The following HYCC2 variants were observed in gnomAD, a reference collection of about 807,000 sequenced individuals.
HYCC2 encodes hyccin PI4KA lipid kinase complex subunit 2, also known as hyccin 2.
chr2:201,053,511 A>C, the HYCC2 span, among the ~76,000 whole-genome samples: 21 of 152,338 alleles, frequency 1.4e-4, no homozygotes, highest in Middle Eastern at 3.4e-3. Flanking sequence ...CCTTCTTTCT[A>C]CTTTTAAAAT....
chr2:201,029,831 AT>A, the HYCC2 span, among the ~76,000 whole-genome samples: 1 of 152,198 alleles, frequency 6.6e-6, no homozygotes, highest in African/African-American at 2.4e-5. Flanking sequence ...CCTAATGTAA[AT>A]GACGAGTTAA....
chr2:201,024,468 G>A, the HYCC2 span, among the ~76,000 whole-genome samples: 450 of 151,780 alleles, frequency 3.0e-3, 3 homozygotes, highest in Non-Finnish European at 5.5e-3. Context: ...TGGCCTGGGC[G>A]ACAGAGCCAG....
the HYCC2 span, among the ~76,000 whole-genome samples, chr2:201,001,981 G>A: frequency 6.6e-6 from 1 of 151,732 alleles, no homozygotes; most frequent in South Asian, 2.1e-4. Flanking sequence ...TCCCTAAAGG[G>A]GTAAATTTTA....
At chr2:201,065,077 A>G in the HYCC2 span, among the ~76,000 whole-genome samples, 1 of 152,238 alleles carries the variant, frequency 6.6e-6, no homozygotes, top group African/African-American at 2.4e-5. Context: ...CAATCAAGAT[A>G]CAGAACTGTT....
the HYCC2 span, among the ~76,000 whole-genome samples, chr2:201,069,888 T>C: frequency 1.3e-5 from 2 of 152,182 alleles, no homozygotes; most frequent in Admixed American, 6.5e-5. Context: ...GGTTCATATA[T>C]AGGAATATAA....
the HYCC2 span, chr2:200,975,376 C>T: frequency 6.6e-6 from 1 of 151,980 alleles, no homozygotes; most frequent in African/African-American, 2.4e-5. Context: ...TGTTTATACT[C>T]AAATACAGCA....
At chr2:201,049,512 G>C in the HYCC2 span, among the ~76,000 whole-genome samples, 4 of 142,904 alleles carry the variant, frequency 2.8e-5, no homozygotes, top group African/African-American at 7.6e-5. Context: ...CACCACCCCG[G>C]TTTTTTTTTT....
the HYCC2 span, among the ~76,000 whole-genome samples, chr2:201,011,737 C>CA: frequency 6.6e-6 from 1 of 152,074 alleles, no homozygotes; most frequent in African/African-American, 2.4e-5. Flanking sequence ...AATATGACAG[C>CA]AAAGACATGA....
At chr2:201,049,443 G>C in the HYCC2 span, among the ~76,000 whole-genome samples, 9 of 151,726 alleles carry the variant, frequency 5.9e-5, no homozygotes, top group Non-Finnish European at 1.5e-5. Flanking sequence ...TCCGCCTCCC[G>C]GGGTTCAAAA....
the HYCC2 span, among the ~76,000 whole-genome samples, chr2:201,032,685 A>G: frequency 6.6e-6 from 1 of 152,116 alleles, no homozygotes; most frequent in African/African-American, 2.4e-5. Flanking sequence ...TTTTAGAGAC[A>G]GGTCTCTGTC....
chr2:201,067,202 G>A, the HYCC2 span: 1 of 218,918 alleles, frequency 4.6e-6, no homozygotes, highest in South Asian at 8.1e-5. Context: ...ACTGAGTTCG[G>A]CTGGCTAATT....
the HYCC2 span, among the ~76,000 whole-genome samples, chr2:201,027,665 C>A: frequency 2.0e-5 from 3 of 151,986 alleles, no homozygotes; most frequent in African/African-American, 7.2e-5. Flanking sequence ...TCAACATACG[C>A]AAATCAATAA....
chr2:201,043,446 A>AG, the HYCC2 span, among the ~76,000 whole-genome samples: 1 of 150,714 alleles, frequency 6.6e-6, no homozygotes, highest in Non-Finnish European at 1.5e-5. Context: ...AAAAAAAAAA[A>AG]AAAGAAAGAA....
At chr2:201,027,796 G>A in the HYCC2 span, among the ~76,000 whole-genome samples, 13 of 152,246 alleles carry the variant, frequency 8.5e-5, no homozygotes, top group East Asian at 2.3e-3. Flanking sequence ...AATAAACTAG[G>A]TATTGATGGA....
At chr2:201,033,473 G>A in the HYCC2 span, among the ~76,000 whole-genome samples, 13 of 151,182 alleles carry the variant, frequency 8.6e-5, no homozygotes, top group East Asian at 1.9e-4. Context: ...GCGCGATCTC[G>A]GCTCACTGCA....
chr2:201,051,036 C>T, the HYCC2 span, among the ~76,000 whole-genome samples: 1 of 152,188 alleles, frequency 6.6e-6, no homozygotes, highest in African/African-American at 2.4e-5. Context: ...CTTATGAACA[C>T]AGAGGCAAAA....
the HYCC2 span, chr2:201,023,055 T>C: frequency 7.7e-6 from 5 of 646,454 alleles, no homozygotes; most frequent in African/African-American, 5.6e-5. Context: ...AAATAATTAA[T>C]ATAAAGAAAT....
chr2:201,016,241 T>G, the HYCC2 span, among the ~76,000 whole-genome samples: 1 of 152,226 alleles, frequency 6.6e-6, no homozygotes, highest in Admixed American at 6.5e-5. Flanking sequence ...TATCTACCCC[T>G]GTACTCAACC....
the HYCC2 span, among the ~76,000 whole-genome samples, chr2:201,027,914 T>C: frequency 5.3e-5 from 8 of 152,188 alleles, no homozygotes; most frequent in African/African-American, 1.9e-4. Flanking sequence ...AAGATAGGGA[T>C]GCCCTCTCTC....
Sources: gnomAD v4.1 joint callset for allele counts (sites outside exome capture counted in the v4.1 genomes callset) on GRCh38, gnomAD v4.1.1 for gene constraint, MANE v1.5 for transcripts, NCBI Gene and HGNC (gene_info 2026-07-23, HGNC 2026-07-21) for gene names.